Variants in MRC1 observed in about 807,000 individuals in gnomAD.
The protein encoded by MRC1 is macrophage mannose receptor 1.
A neutral mutation model predicts 102.9 loss-of-function variants in MRC1; 62 were observed. The ratio of observed to expected loss-of-function variants is 0.60; its 90% CI spans 0.49 to 0.74. MRC1 has a LOEUF of 0.74. Ranked by LOEUF, MRC1 falls within the 30% of genes least tolerant of loss-of-function variation. MRC1 has a pLI of 0.00. For missense variants in MRC1, 1,237 were observed against 862.8 expected, an observed-to-expected ratio of 1.43 and a Z score of -5.43; for synonymous variants, 457 against 298.4, an observed-to-expected ratio of 1.53 and a Z score of -5.48.
At chr10:17,854,982 C>T (rs1040312423) in intron 8 of MRC1, among the ~76,000 whole-genome samples, 10 of 152,218 alleles carry the variant, frequency 6.6e-5, no homozygotes, top group Non-Finnish European at 8.8e-5. Flanking sequence ...TGAGCCGCCG[C>T]GCTTGGCCCA....
chr10:17,866,472 C>G (rs1236633144), intron 11 of MRC1, 90 bp from the exon 12 acceptor site: 1 of 779,816 alleles, frequency 1.3e-6, no homozygotes, highest in Non-Finnish European at 2.4e-6. Flanking sequence ...CATCAGAACC[C>G]TGATGCTCGG....
chr10:17,820,342 G>T (rs948108092), intron 1 of MRC1, among the ~76,000 whole-genome samples: 1 of 152,126 alleles, frequency 6.6e-6, no homozygotes, highest in Non-Finnish European at 1.5e-5. Flanking sequence ...GATCTCGGGG[G>T]ATGGTGGTGC....
chr10:17,816,495 G>C (rs936447933), intron 1 of MRC1, among the ~76,000 whole-genome samples: 1 of 152,122 alleles, frequency 6.6e-6, no homozygotes, highest in East Asian at 1.9e-4. Context: ...ATTTAGAGCC[G>C]TCAGCGGTTC....
chr10:17,847,349 C>T (rs1348184225), intron 6 of MRC1, among the ~76,000 whole-genome samples: 1 of 152,162 alleles, frequency 6.6e-6, no homozygotes, highest in African/African-American at 2.4e-5. Context: ...GACTCTTCTT[C>T]CTGAGATAAA....
At chr10:17,865,848 A>G (rs1331677102) in intron 11 of MRC1, among the ~76,000 whole-genome samples, 1 of 152,238 alleles carries the variant, frequency 6.6e-6, no homozygotes, top group East Asian at 1.9e-4. Flanking sequence ...TTCATGAATG[A>G]CTTCTAAGCA....
intron 2 of MRC1, among the ~76,000 whole-genome samples, chr10:17,823,714 T>C (rs1838432823): frequency 6.6e-6 from 1 of 152,268 alleles, no homozygotes; most frequent in South Asian, 2.1e-4. Flanking sequence ...GACATTCTTT[T>C]AACTTTCTCT....
chr10:17,879,832 C>T lies in MRC1; in HGVS notation c.2719+11C>T, dbSNP rs1833488870. 3 of 780,732 alleles carry T rather than the reference C, an allele frequency of 3.8e-6. No individual in the cohort carries two copies. Among genetic ancestry groups the T allele is most frequent in the Non-Finnish European group, 7.2e-6 (3 of 417,960 alleles). The allele number at this position is 780,732 out of a possible 1,614,324, so 48.4% of individuals were successfully genotyped here. On this transcript the variant is annotated intron_variant, in intron 19 of 29. Coordinates refer to ENST00000569591, the MANE Select transcript of MRC1 (RefSeq NM_002438.4). ...TGTATTCAAATTCAGGTAGGCAAGT[C>T]ATGCATATTGAATTTGCTTTGTGGC...
At chr10:17,868,067 G>T (rs1833302495) in intron 12 of MRC1, among the ~76,000 whole-genome samples, 1 of 152,088 alleles carries the variant, frequency 6.6e-6, no homozygotes, top group African/African-American at 2.4e-5. Flanking sequence ...GACAAAAAAA[G>T]AAACCCAGAA....
At chr10:17,841,369 T>G (rs1279485810) in intron 5 of MRC1, among the ~76,000 whole-genome samples, 2 of 152,216 alleles carry the variant, frequency 1.3e-5, no homozygotes, top group Non-Finnish European at 2.9e-5. Flanking sequence ...TTCCTGTTTT[T>G]GATTTAATAA....
intron 4 of MRC1, among the ~76,000 whole-genome samples, chr10:17,837,659 C>T (rs1323509148): frequency 2.6e-5 from 4 of 151,740 alleles, no homozygotes; most frequent in South Asian, 4.2e-4. Flanking sequence ...GACAAAGTCT[C>T]ACTCTGTCGC....
chr10:17,868,724 A>G (rs1833313858), intron 12 of MRC1, among the ~76,000 whole-genome samples: 2 of 152,234 alleles, frequency 1.3e-5, no homozygotes, highest in South Asian at 2.1e-4. Flanking sequence ...GACGCTGTGC[A>G]GTCTCTTCTA....
chr10:17,816,127 G>T lies in MRC1; in HGVS notation c.61+6601G>T, dbSNP rs563639069. ...TAAGACTGACTAACACCCTCCATCA[G>T]CCCCCAGCACCTGGCATAGCTTCTT... On this transcript the variant is annotated intron_variant, in intron 1 of 29. Coordinates refer to ENST00000569591, the MANE Select transcript of MRC1 (RefSeq NM_002438.4). Among the ~76,000 whole-genome samples the T allele has an allele frequency of 2.6e-5, 4 of 152,276 alleles. No homozygotes were observed. The East Asian group carries it at 7.7e-4, about 29-fold the overall frequency.
intron 4 of MRC1, among the ~76,000 whole-genome samples, chr10:17,838,677 G>A (rs891062214): frequency 2.6e-5 from 4 of 151,966 alleles, no homozygotes; most frequent in African/African-American, 4.8e-5. Flanking sequence ...GAAAAGTTAC[G>A]CCTTGAGCAT....
In MRC1 at chr10:17,860,002, T is replaced by C. The variant is rs935739668; in HGVS notation, c.1519-1385T>C. 7.2e-3 allele frequency among the ~76,000 whole-genome samples: 1,100 copies of C among 152,250 alleles called. 4 individuals are homozygous for C. Among genetic ancestry groups the C allele is most frequent in the Non-Finnish European group, 8.9e-3 (606 of 68,012 alleles). Reference sequence around the variant, plus strand: ...ACCAAGGGGTTACCGGGGTTACTGGTATCATTTTTATACAAGGACCTCGGT... The same window carrying C: ...ACCAAGGGGTTACCGGGGTTACTGGCATCATTTTTATACAAGGACCTCGGT... On this transcript the variant is annotated intron_variant, in intron 9 of 29. Coordinates refer to ENST00000569591, the MANE Select transcript of MRC1 (RefSeq NM_002438.4).
chr10:17,861,967 A>G (rs1378942218), intron 10 of MRC1, among the ~76,000 whole-genome samples: 1 of 152,202 alleles, frequency 6.6e-6, no homozygotes, highest in East Asian at 1.9e-4. Flanking sequence ...GGTCAGGAAA[A>G]TCACATGGAC....
chr10:17,907,753 T>C lies in MRC1; in HGVS notation c.4078+55T>C, dbSNP rs962868679. On this transcript the variant is annotated intron_variant, in intron 28 of 29. Coordinates refer to ENST00000569591, the MANE Select transcript of MRC1 (RefSeq NM_002438.4). Reference sequence around the variant, plus strand: ...ATCACTGGCTGCCATTTCTTTCAAATAGTAAGATATCAGGTATGGAATCAT... The same window carrying C: ...ATCACTGGCTGCCATTTCTTTCAAACAGTAAGATATCAGGTATGGAATCAT... 4.3e-4 allele frequency: 331 copies of C among 778,176 alleles called. 1 individual carries two copies. Among genetic ancestry groups the C allele is most frequent in the Admixed American group, 3.1e-4 (18 of 58,850 alleles). 48.2% of individuals were successfully genotyped at this position (778,176 alleles called of 1,614,324 possible).
At chr10:17,851,061 A>G (rs541635116) in intron 7 of MRC1, among the ~76,000 whole-genome samples, 243 of 152,344 alleles carry the variant, frequency 1.6e-3, no homozygotes, top group Non-Finnish European at 2.9e-3. Context: ...TTAGTGTGGC[A>G]CTTATAGCCA....
chr10:17,844,738 C>A (rs1469813047), intron 5 of MRC1, among the ~76,000 whole-genome samples: 6 of 152,132 alleles, frequency 3.9e-5, no homozygotes, highest in African/African-American at 1.2e-4. Context: ...CCATTCCTCC[C>A]CCATCTCATA....
At chr10:17,907,294 T>C (rs1833908386) in intron 27 of MRC1, among the ~76,000 whole-genome samples, 1 of 152,214 alleles carries the variant, frequency 6.6e-6, no homozygotes, top group Non-Finnish European at 1.5e-5. Context: ...AGGATAAGTA[T>C]AAATATTTGT....
Sources: allele counts gnomAD v4.1 joint callset (sites outside exome capture counted in the v4.1 genomes callset), GRCh38; gene constraint gnomAD v4.1.1; transcripts MANE v1.5; gene names NCBI Gene and HGNC (gene_info 2026-07-23, HGNC 2026-07-21).